The following FSTL5 variants were observed in gnomAD, a reference collection of about 807,000 sequenced individuals.
FSTL5 encodes the protein follistatin-related protein 5.
Under a neutral mutation model 89.1 loss-of-function variants are expected in FSTL5, and 62 were observed. That is an observed-to-expected ratio of 0.70 (90% confidence interval 0.57 to 0.86). FSTL5 has a LOEUF of 0.86. Ranked by LOEUF, FSTL5 falls within the 40% of genes least tolerant of loss-of-function variation. FSTL5 has a pLI of 0.00. For missense variants in FSTL5, 1,057 were observed against 1,001.6 expected (o/e 1.06, Z -0.75); for synonymous variants, 383 against 346.2 (o/e 1.11, Z -1.18).
At chr4:161,391,838 A>G (rs917742308) in intron 15 of FSTL5, among the ~76,000 whole-genome samples, 1 of 152,306 alleles carries the variant, frequency 6.6e-6, no homozygotes, top group Admixed American at 6.5e-5. Context: ...AAATGATAGC[A>G]CTTTGAAGTT....
chr4:161,969,989 GT>G (rs1485547470), intron 3 of FSTL5, among the ~76,000 whole-genome samples: 3 of 152,062 alleles, frequency 2.0e-5, no homozygotes, highest in Admixed American at 6.6e-5. Context: ...AAAGAGGTTG[GT>G]GAGGACCAGA....
At chr4:162,093,511 C>T (rs373623149) in intron 2 of FSTL5, among the ~76,000 whole-genome samples, 265 of 152,216 alleles carry the variant, frequency 1.7e-3, no homozygotes, top group African/African-American at 6.0e-3. Flanking sequence ...GCCAATCCTG[C>T]TGGGATTAAG....
At chr4:161,719,109 T>C (rs1324473395) in intron 6 of FSTL5, among the ~76,000 whole-genome samples, 3 of 152,324 alleles carry the variant, frequency 2.0e-5, no homozygotes, top group Non-Finnish European at 4.4e-5. Flanking sequence ...CATTAAAACC[T>C]GAGTTAATTT....
rs1578869857 is a variant in FSTL5, at chr4:161,484,556, G to A, written c.1459-3387C>T. On this transcript the variant is annotated intron_variant, in intron 12 of 15. Coordinates refer to ENST00000306100, the MANE Select transcript of FSTL5 (RefSeq NM_020116.5). Reference sequence around the variant, plus strand: ...TCCATCTAATTATCTTCAGACTTTTGAGCAAGCTTTCTGGAACATTACTTC... The same window carrying A: ...TCCATCTAATTATCTTCAGACTTTTAAGCAAGCTTTCTGGAACATTACTTC... 3.3e-5 allele frequency among the ~76,000 whole-genome samples: 5 copies of A among 152,144 alleles called. No individual in the cohort carries two copies. The East Asian group carries it at 9.7e-4, about 29-fold the overall frequency.
chr4:161,570,048 T>C (rs1321673766), intron 8 of FSTL5, among the ~76,000 whole-genome samples: 1 of 152,294 alleles, frequency 6.6e-6, no homozygotes, highest in Non-Finnish European at 1.5e-5. Context: ...CTTTAATATA[T>C]ACCCTTGTTT....
intron 3 of FSTL5, among the ~76,000 whole-genome samples, chr4:161,999,705 C>T (rs891861016): frequency 6.6e-6 from 1 of 152,116 alleles, no homozygotes; most frequent in Non-Finnish European, 1.5e-5. Context: ...TTCATTTATA[C>T]TTCAATTATC....
chr4:161,676,749 A>ACG (rs1737319788), intron 6 of FSTL5, among the ~76,000 whole-genome samples: 1 of 146,442 alleles, frequency 6.8e-6, no homozygotes, highest in African/African-American at 2.5e-5. Flanking sequence ...ACATACACGC[A>ACG]CACACACACA....
chr4:161,512,123 A>G (rs575799103), intron 10 of FSTL5, among the ~76,000 whole-genome samples: 209 of 152,258 alleles, frequency 1.4e-3, no homozygotes, highest in African/African-American at 4.3e-3. Flanking sequence ...TGCACACACA[A>G]TGCAAAAGAA....
chr4:161,718,415 G>T (rs985752319), intron 6 of FSTL5, among the ~76,000 whole-genome samples: 3 of 151,664 alleles, frequency 2.0e-5, no homozygotes, highest in Non-Finnish European at 4.4e-5. Context: ...AGTGTGTAGA[G>T]ATGGAGAATA....
intron 6 of FSTL5, among the ~76,000 whole-genome samples, chr4:161,729,202 TAG>T (rs1024518499): frequency 2.6e-5 from 4 of 152,230 alleles, no homozygotes; most frequent in Admixed American, 2.0e-4. Flanking sequence ...GTATCTTTTT[TAG>T]AGAGTGTGGC....
intron 3 of FSTL5, among the ~76,000 whole-genome samples, chr4:161,992,906 ATATATATATATATATATATGTGTG>A (rs1197747165): frequency 0.14 from 1,522 of 10,568 alleles, 86 homozygotes; most frequent in African/African-American, 0.18. Flanking sequence ...ATGTGTGTGT[ATATATATATATATATATATGTGTG>A]TATATATATA....
chr4:161,610,422 A>G (rs191292549), intron 7 of FSTL5, among the ~76,000 whole-genome samples: 21 of 152,286 alleles, frequency 1.4e-4, no homozygotes, highest in Non-Finnish European at 2.6e-4. Context: ...TTTCATTCCC[A>G]GCAGGTGTTG....
chr4:161,833,131 G>T (rs368800696), intron 4 of FSTL5, among the ~76,000 whole-genome samples: 1 of 150,772 alleles, frequency 6.6e-6, no homozygotes, highest in East Asian at 2.0e-4. Flanking sequence ...CCTTCATTTC[G>T]TTATGTACCC....
chr4:161,879,599 C>T (rs747750746), intron 4 of FSTL5, among the ~76,000 whole-genome samples: 8 of 152,230 alleles, frequency 5.3e-5, no homozygotes, highest in Non-Finnish European at 8.8e-5. Context: ...TTGTCCCACA[C>T]AGACACATAG....
intron 15 of FSTL5, among the ~76,000 whole-genome samples, chr4:161,392,106 C>A (rs1213937932): frequency 6.6e-6 from 1 of 152,110 alleles, no homozygotes; most frequent in Non-Finnish European, 1.5e-5. Flanking sequence ...AACCGAAATC[C>A]ATAATTTAAT....
chr4:162,016,676 C>G (rs1736924850), intron 3 of FSTL5, among the ~76,000 whole-genome samples: 1 of 152,046 alleles, frequency 6.6e-6, no homozygotes, highest in African/African-American at 2.4e-5. Context: ...AATGAGTTTT[C>G]TAATTATATT....
intron 15 of FSTL5, among the ~76,000 whole-genome samples, chr4:161,438,221 A>G (rs1732638889): frequency 6.6e-6 from 1 of 152,210 alleles, no homozygotes; most frequent in Non-Finnish European, 1.5e-5. Flanking sequence ...GCTGTCTATA[A>G]AAGTGAGATA....
chr4:161,605,796 T>G (rs1560975611), intron 7 of FSTL5, among the ~76,000 whole-genome samples: 1 of 152,202 alleles, frequency 6.6e-6, no homozygotes, highest in Non-Finnish European at 1.5e-5. Context: ...GTAGACTGAT[T>G]TCATTGATGG....
chr4:162,098,129 T>A (rs1730837916), intron 2 of FSTL5, among the ~76,000 whole-genome samples: 1 of 152,004 alleles, frequency 6.6e-6, no homozygotes, highest in Non-Finnish European at 1.5e-5. Context: ...TTCCTCTAAC[T>A]AGATATATAA....
Sources: gnomAD v4.1 joint callset for allele counts (sites outside exome capture counted in the v4.1 genomes callset) on GRCh38, gnomAD v4.1.1 for gene constraint, MANE v1.5 for transcripts, NCBI Gene and HGNC (gene_info 2026-07-23, HGNC 2026-07-21) for gene names.